ITPR3: variants seen among roughly 807,000 people sequenced by gnomAD.
ITPR3 encodes the protein inositol 1,4,5-trisphosphate receptor type 3, also known as inositol 1,4,5-trisphosphate-gated calcium channel ITPR3.
In ITPR3, 173 loss-of-function variants were observed where a neutral mutation model predicts 293.2. The observed-to-expected ratio is 0.59, with a 90% confidence interval of 0.52 to 0.67. The LOEUF is 0.67. Ranked by LOEUF, ITPR3 falls within the 30% of genes least tolerant of loss-of-function variation. The pLI is 0.00. For missense variants in ITPR3, 2,796 were observed against 3,592.1 expected (o/e 0.78, Z 5.66); for synonymous variants, 1,295 against 1,444.4 (o/e 0.90, Z 2.35).
chr6:33,671,508 G>A (rs1395571273), intron 21 of ITPR3, among the ~76,000 whole-genome samples: 2 of 152,212 alleles, frequency 1.3e-5, no homozygotes, highest in Non-Finnish European at 2.9e-5. Context: ...TGGAGACCCC[G>A]GGTCTGTGGG....
chr6:33,679,936 G>T lies in ITPR3; in HGVS notation c.4027G>T (p.Ala1343Ser), dbSNP rs1367262974. ...GTTCTACAATGATAAGGCATCGCTGGCCCACCTGCTGGACATGATGAAGGC... is the reference window on the plus strand; with the variant it reads ...GTTCTACAATGATAAGGCATCGCTGTCCCACCTGCTGGACATGATGAAGGC... Reference protein sequence around the residue: ...VVFYNDKASLAHLLDMMKAAR... With the variant: ...VVFYNDKASLSHLLDMMKAAR... Residue 1343 changes from alanine (A) to serine (S), a missense_variant, in exon 31 of 58, where the codon GCC becomes TCC. Physicochemically the swap from Ala to Ser is moderately conservative, Grantham distance 99. Around this residue, in one of 8 missense-constraint regions of ITPR3, gnomAD observed 344 missense variants for 460.3 expected, o/e 0.75. Transcript: ENST00000605930. The surrounding 1 kb of genome is among the most constrained non-coding windows in gnomAD (Gnocchi z 4.2). The T allele has an allele frequency of 6.2e-7, 1 of 1,613,726 alleles. No homozygotes were observed. The highest frequency in any genetic ancestry group is 8.5e-7 in the Non-Finnish European group (1 of 1,180,018).
At chr6:33,642,335 G>T (rs968612520) in intron 2 of ITPR3, among the ~76,000 whole-genome samples, 1 of 152,164 alleles carries the variant, frequency 6.6e-6, no homozygotes, top group East Asian at 1.9e-4. Context: ...AGGGCGTTGA[G>T]GCTGCAGATG....
intron 2 of ITPR3, among the ~76,000 whole-genome samples, chr6:33,648,537 CTT>C (rs11483012): frequency 6.6e-6 from 1 of 151,080 alleles, no homozygotes; most frequent in Non-Finnish European, 1.5e-5. Flanking sequence ...CTCAGTTACC[CTT>C]TTTTTTTCTT....
chr6:33,673,407 G>T (rs1418478209), intron 22 of ITPR3, among the ~76,000 whole-genome samples, 184 bp from the exon 23 acceptor site: 5 of 129,928 alleles, frequency 3.8e-5, no homozygotes, highest in Admixed American at 3.8e-4. Context: ...GGGGAGAGGG[G>T]TCTTGTTTTC....
Position 33,672,241 on chromosome 6 carries a change from G to A in ITPR3, c.2928+13G>A. 1 of 1,612,712 alleles carries A rather than the reference G, an allele frequency of 6.2e-7. No individual in the cohort carries two copies. The highest frequency in any genetic ancestry group is 8.5e-7 in the Non-Finnish European group (1 of 1,179,254). On this transcript the variant is annotated intron_variant, in intron 22 of 57. Coordinates refer to ENST00000605930, the MANE Select transcript of ITPR3 (RefSeq NM_002224.4). This position sits in a 1 kb window ranked among gnomAD's most constrained non-coding sequence, Gnocchi z 5.0. ...GGAAATCCTTCAGGTGCCTGGGCCA[G>A]GACCGTGTGGGAGGTGTTGGGTATA...
rs768563437 is a variant in ITPR3 at position 33,680,477 on chromosome 6, G to A, written c.4350+23G>A. On this transcript the variant is annotated intron_variant, in intron 32 of 57. Coordinates refer to ENST00000605930, the MANE Select transcript of ITPR3 (RefSeq NM_002224.4). The stretch of plus-strand genomic sequence containing the variant: ...CGGGTCTGTCCCTGTGAGGGGTGTG[G>A]GTGAAGCCCCCCAGGAGGTGTGGGA... 2.5e-5 allele frequency: 41 copies of A among 1,611,908 alleles called. No individual in the cohort carries two copies. The Admixed American group carries it at 6.2e-4, about 24-fold the overall frequency.
intron 1 of ITPR3, among the ~76,000 whole-genome samples, chr6:33,625,709 A>G (rs1463353664): frequency 1.3e-5 from 2 of 152,150 alleles, no homozygotes; most frequent in African/African-American, 4.8e-5. Flanking sequence ...TGGATCACCC[A>G]GGGCTGGGTA....
Position 33,670,724 on chromosome 6 carries a change from A to G in ITPR3, c.2495A>G (p.Asn832Ser). The change falls in exon 20 of 58, where the codon AAC becomes AGC. Residue 832 changes from asparagine (N) to serine (S), a missense_variant. Around this residue, in one of 8 missense-constraint regions of ITPR3, gnomAD observed 955 missense variants for 1,180.8 expected, o/e 0.81. Transcript: ENST00000605930. The surrounding 1 kb of genome is among the most constrained non-coding windows in gnomAD (Gnocchi z 6.7). ...GATGACAAGAAGAACAAGTTTGCCA[A>G]CACCATGGAGTTCGTGGAGGACTAC... ...SRDDKKNKFA[N>S]TMEFVEDYLN... 1.2e-6 allele frequency: 2 copies of G among 1,614,106 alleles called. No individual in the cohort carries two copies. Among genetic ancestry groups the G allele is most frequent in the Non-Finnish European group, 1.7e-6 (2 of 1,180,016 alleles).
chr6:33,659,693 A>T, intron 7 of ITPR3, 144 bp downstream of exon 7: 1 of 670,196 alleles, frequency 1.5e-6, no homozygotes, highest in Admixed American at 2.4e-5. Flanking sequence ...CCACCTCCAC[A>T]GGGCCCCACC....
At chr6:33,646,191 A>C (rs981611190) in intron 2 of ITPR3, among the ~76,000 whole-genome samples, 4 of 151,982 alleles carry the variant, frequency 2.6e-5, no homozygotes, top group African/African-American at 7.2e-5. Flanking sequence ...CAAATACATG[A>C]TCTAGGATCC....
In ITPR3 at chr6:33,678,783, G is replaced by C; in HGVS notation, c.3916G>C (p.Val1306Leu). Residue 1306 changes from valine to leucine, a missense_variant, in exon 30 of 58, where the codon GTC (valine) becomes CTC (leucine). Around this residue, in one of 8 missense-constraint regions of ITPR3, gnomAD observed 344 missense variants for 460.3 expected, o/e 0.75. Transcript: ENST00000605930. ...HVQYLDFLHTVIKAEGKYVKK... is the reference protein window; with the variant it reads ...HVQYLDFLHTLIKAEGKYVKK... Reference sequence around the variant, plus strand: ...GCAGTACCTGGACTTCCTGCACACCGTCATTAAGGCCGAGGGCAAGTACGT... The same window carrying C: ...GCAGTACCTGGACTTCCTGCACACCCTCATTAAGGCCGAGGGCAAGTACGT... 6.2e-7 allele frequency: 1 copy of C among 1,613,546 alleles called. No individual in the cohort carries two copies.
At position 33,680,127 on chromosome 6, in the gene ITPR3, C is replaced by G. The variant is rs200180514; in HGVS notation, c.4218C>G (p.Ile1406Met). Residue 1406 changes from isoleucine to methionine, a missense_variant, in exon 31 of 58, where the codon ATC becomes ATG. By Grantham distance (10) the Ile-to-Met change is conservative. Around this residue, in one of 8 missense-constraint regions of ITPR3, gnomAD observed 344 missense variants for 460.3 expected, o/e 0.75. Coordinates refer to ENST00000605930, the MANE Select transcript of ITPR3 (RefSeq NM_002224.4). ...CTGTGGTGACGCATGAGGACTGCAT[C>G]ACTGAGGTGGGGATCGGGAGACTGG... is the stretch of plus-strand genomic sequence containing the variant. Reference protein sequence around the residue: ...VVSVVTHEDCITEVKMAYVNF... With the variant: ...VVSVVTHEDCMTEVKMAYVNF... The G allele has an allele frequency of 1.5e-4, 245 of 1,612,216 alleles. 1 individual carries two copies. The Middle Eastern group carries it at 4.3e-3, about 28-fold the overall frequency.
intron 2 of ITPR3, among the ~76,000 whole-genome samples, chr6:33,650,568 G>A (rs114535447): frequency 7.7e-4 from 117 of 152,252 alleles, no homozygotes; most frequent in African/African-American, 1.3e-3. Context: ...AGCCATCATC[G>A]ACAGAAATGG....
Position 33,695,752 on chromosome 6 carries a change from TG to T in ITPR3, c.7990del (p.Asp2664MetfsTer80). Reference protein sequence around the residue: ...QRKRRQRLGFVDVQNCISR With the variant: ...QRKRRQRLGFXDVQNCISR ...AAACGCAGGCAACGCCTAGGCTTTG[TG>T]GATGTCCAGAACTGCATTAGCCGCT... is the stretch of plus-strand genomic sequence containing the variant. On this transcript the variant is annotated frameshift_variant, in exon 58 of 58. Coordinates refer to ENST00000605930, the MANE Select transcript of ITPR3 (RefSeq NM_002224.4). LOFTEE classifies it high-confidence loss of function. 1 of 1,614,144 alleles carries T rather than the reference TG, an allele frequency of 6.2e-7. No homozygotes were observed. Among genetic ancestry groups the T allele is most frequent in the South Asian group, 1.1e-5 (1 of 91,090 alleles).
rs571314133 is a variant in ITPR3 at position 33,666,302 on chromosome 6, T to TAAAAAATTTTTAA, written c.1551+331_1551+332insATTTTTAAAAAAA. On this transcript the variant is annotated intron_variant, in intron 14 of 57. Coordinates refer to ENST00000605930, the MANE Select transcript of ITPR3 (RefSeq NM_002224.4). This position sits in a 1 kb window ranked among gnomAD's most constrained non-coding sequence, Gnocchi z 5.1. ...AGAGCTGTGCTTCAAAAAATTTTTT[T>TAAAAAATTTTTAA]AAAAATTTTTTTATTATGAGAATCA... Among the ~76,000 whole-genome samples the TAAAAAATTTTTAA allele has an allele frequency of 6.8e-4, 104 of 152,218 alleles. No homozygotes were observed. Among genetic ancestry groups the TAAAAAATTTTTAA allele is most frequent in the South Asian group, 1.2e-3 (6 of 4,822 alleles).
At chr6:33,637,769 A>G (rs1254026694) in intron 1 of ITPR3, among the ~76,000 whole-genome samples, 2 of 150,656 alleles carry the variant, frequency 1.3e-5, no homozygotes, top group Non-Finnish European at 3.0e-5. Flanking sequence ...CTGGGGTTAC[A>G]AGAGTGCGTG....
At position 33,664,296 on chromosome 6, in the gene ITPR3, T is replaced by C. The variant is rs144156751; in HGVS notation, c.1148+416T>C. On this transcript the variant is annotated intron_variant, in intron 11 of 57. Transcript: ENST00000605930. The surrounding 1 kb of genome is among the most constrained non-coding windows in gnomAD (Gnocchi z 4.4). ...TGTCCTTAGCTGTATGACCTCAGGC[T>C]GCTACTCACTCTGCCTCCATCATTT... Among the ~76,000 whole-genome samples the C allele has an allele frequency of 4.0e-4, 61 of 152,284 alleles. 1 individual carries two copies. The East Asian group carries it at 0.011, about 27-fold the overall frequency.
chr6:33,678,730 A>C lies in ITPR3; in HGVS notation c.3863A>C (p.His1288Pro). 2 of 1,613,514 alleles carry C rather than the reference A, an allele frequency of 1.2e-6. No homozygotes were observed. The highest frequency in any genetic ancestry group is 1.3e-5 in the African/African-American group (1 of 75,060). Residue 1288 changes from histidine (H) to proline (P), a missense_variant, in exon 30 of 58, where the codon CAC (histidine) becomes CCC (proline). By Grantham distance (77) the His-to-Pro change is moderately conservative. Transcript: ENST00000605930. ...GAGCCTGTGTTGCAGCACTTCGTGC[A>C]CCTGCTGGCCACGCACGGGCGCCAT... Reference protein sequence around the residue: ...ISEPVLQHFVHLLATHGRHVQ... With the variant: ...ISEPVLQHFVPLLATHGRHVQ...
chr6:33,695,784 G>A lies in ITPR3; in HGVS notation c.*4G>A, dbSNP rs747000627. On this transcript the variant is annotated 3_prime_UTR_variant, in exon 58 of 58. Transcript: ENST00000605930. ...CCAGAACTGCATTAGCCGCTGAGGA[G>A]AGCCACCGAAGGCCCCAACAGGGGA... 8.7e-6 allele frequency: 14 copies of A among 1,613,910 alleles called. No individual in the cohort carries two copies. The East Asian group carries it at 2.9e-4, about 33-fold the overall frequency.
Sources: allele counts gnomAD v4.1 joint callset (sites outside exome capture counted in the v4.1 genomes callset), GRCh38; gene constraint gnomAD v4.1.1; regional missense constraint gnomAD v4.1.1; non-coding constraint Gnocchi (gnomAD v3.1); transcripts MANE v1.5; gene names NCBI Gene and HGNC (gene_info 2026-07-23, HGNC 2026-07-21).